Variants in HRH2 observed in about 807,000 individuals in gnomAD.
The protein encoded by HRH2 is histamine receptor H2.
A neutral mutation model predicts 20.1 loss-of-function variants in HRH2; 4 were observed. The observed-to-expected ratio is 0.20, with a 90% CI of 0.10 to 0.45. HRH2 has a LOEUF of 0.45. Ranked by LOEUF, HRH2 falls within the 20% of genes least tolerant of loss-of-function variation. The probability of loss-of-function intolerance (pLI) is 0.99; values close to 1 mark genes in which losing one functional copy is unlikely to be tolerated. For synonymous variants in HRH2, 197 were observed against 200.7 expected (o/e 0.98, Z 0.16); for missense variants, 250 against 461.6 (o/e 0.54, Z 4.20).
rs142451713 is a variant in HRH2, at chr5:175,660,369, C to T, written c.-526+2214C>T. On this transcript the variant is annotated intron_variant, in intron 1 of 2. Coordinates refer to ENST00000636584, the MANE Select transcript of HRH2 (RefSeq NM_001367711.1). ...AGTCAGAAAGTGCCTAAATGTCCAACAGTAGGGAATCAAAATTATGGAACG... is the reference window on the plus strand; with the variant it reads ...AGTCAGAAAGTGCCTAAATGTCCAATAGTAGGGAATCAAAATTATGGAACG... 5.0e-3 allele frequency among the ~76,000 whole-genome samples: 760 copies of T among 152,298 alleles called. 10 individuals are homozygous for T. The highest frequency in any genetic ancestry group is 0.017 in the African/African-American group (722 of 41,550).
intron 1 of HRH2, among the ~76,000 whole-genome samples, chr5:175,672,059 A>T (rs657922): frequency 0.047 from 7,174 of 152,004 alleles, 580 homozygotes; most frequent in African/African-American, 0.16. Flanking sequence ...CCTTCCCTTC[A>T]CCCCTCCACA....
At chr5:175,690,926 C>T (rs573002994) in intron 2 of HRH2, among the ~76,000 whole-genome samples, 131 of 152,298 alleles carry the variant, frequency 8.6e-4, no homozygotes, top group Non-Finnish European at 1.6e-3. Flanking sequence ...GTCTTTTCTT[C>T]CTTCGTCCCT....
At position 175,693,710 on chromosome 5, in the gene HRH2, A is replaced by G. The variant is rs933803348; in HGVS notation, c.1076+9401A>G. Among the ~76,000 whole-genome samples, 1 of 152,220 alleles carries G rather than the reference A, an allele frequency of 6.6e-6. No individual in the cohort carries two copies. The highest frequency in any genetic ancestry group is 2.4e-5 in the African/African-American group (1 of 41,456). On this transcript the variant is annotated intron_variant, in intron 2 of 2. Transcript: ENST00000636584. This position sits in a 1 kb window ranked among gnomAD's most constrained non-coding sequence, Gnocchi z 4.4. ...GCCATCCTTCCTATTCCCTGAAGTC[A>G]CAGCTCTGTGCTCCCTTCCCATCTT...
chr5:175,666,739 C>CT (rs1320544719), intron 1 of HRH2, among the ~76,000 whole-genome samples: 11 of 152,234 alleles, frequency 7.2e-5, no homozygotes, highest in Admixed American at 3.3e-4. Context: ...CTCCAGATTC[C>CT]TTTTTTTGAA....
chr5:175,670,764 T>C (rs1755504650), intron 1 of HRH2, among the ~76,000 whole-genome samples: 2 of 152,216 alleles, frequency 1.3e-5, no homozygotes, highest in Admixed American at 1.3e-4. Flanking sequence ...TCCTAATCCC[T>C]ACCCTCATTG....
In HRH2 at chr5:175,681,607, G is replaced by A. The variant is rs1372675545; in HGVS notation, c.-525-1102G>A. Reference sequence around the variant, plus strand: ...GCCTTGGAGATTACCTAGTGACCAGGGGCTCTTATTTAATCAAGAGGCATT... The same window carrying A: ...GCCTTGGAGATTACCTAGTGACCAGAGGCTCTTATTTAATCAAGAGGCATT... On this transcript the variant is annotated intron_variant, in intron 1 of 2. Transcript: ENST00000636584. This position sits in a 1 kb window ranked among gnomAD's most constrained non-coding sequence, Gnocchi z 4.3. Among the ~76,000 whole-genome samples, 1 of 152,148 alleles carries A rather than the reference G, an allele frequency of 6.6e-6. No homozygotes were observed. Among genetic ancestry groups the A allele is most frequent in the Non-Finnish European group, 1.5e-5 (1 of 68,030 alleles).
At chr5:175,662,073 A>C (rs188588476) in intron 1 of HRH2, among the ~76,000 whole-genome samples, 20 of 152,272 alleles carry the variant, frequency 1.3e-4, no homozygotes, top group African/African-American at 4.3e-4. Context: ...GGGAGCTTAC[A>C]GACAGTGGGG....
chr5:175,688,720 A>G (rs1318958586), intron 2 of HRH2, among the ~76,000 whole-genome samples: 1 of 152,158 alleles, frequency 6.6e-6, no homozygotes, highest in African/African-American at 2.4e-5. Context: ...GTTTTTGACT[A>G]TCACCCCAGT....
chr5:175,670,235 C>T (rs1327825173), intron 1 of HRH2, among the ~76,000 whole-genome samples: 1 of 152,104 alleles, frequency 6.6e-6, no homozygotes, highest in Non-Finnish European at 1.5e-5. Context: ...CAGTCCAAGA[C>T]CAGCCTGGGC....
chr5:175,699,598 G>A (rs1186969283), intron 2 of HRH2, among the ~76,000 whole-genome samples: 3 of 152,090 alleles, frequency 2.0e-5, no homozygotes, highest in African/African-American at 7.3e-5. Context: ...GTTTGAGACA[G>A]AGTCTCACTC....
chr5:175,692,727 C>T (rs1292460523), intron 2 of HRH2, among the ~76,000 whole-genome samples: 3 of 152,172 alleles, frequency 2.0e-5, no homozygotes, highest in African/African-American at 7.2e-5. Context: ...GCCTGGTGCC[C>T]CCCATCTGAA....
intron 1 of HRH2, among the ~76,000 whole-genome samples, chr5:175,664,542 C>T (rs1302079547): frequency 6.6e-6 from 1 of 152,122 alleles, no homozygotes; most frequent in Non-Finnish European, 1.5e-5. Flanking sequence ...TGACCTGAGA[C>T]CCCAGGGCAG....
intron 2 of HRH2, among the ~76,000 whole-genome samples, chr5:175,689,844 C>T (rs1756301961): frequency 6.6e-6 from 1 of 152,368 alleles, no homozygotes; most frequent in South Asian, 2.1e-4. Flanking sequence ...GAGTTCCCAA[C>T]AACCTGGACT....
chr5:175,666,338 C>T (rs975336156), intron 1 of HRH2, among the ~76,000 whole-genome samples: 4 of 152,224 alleles, frequency 2.6e-5, no homozygotes, highest in Middle Eastern at 3.2e-3. Flanking sequence ...ACCCCCAGCC[C>T]CTCTCAGTCA....
At chr5:175,675,945 A>G (rs1755742355) in intron 1 of HRH2, among the ~76,000 whole-genome samples, 1 of 152,084 alleles carries the variant, frequency 6.6e-6, no homozygotes, top group Non-Finnish European at 1.5e-5. Context: ...CTACCCTCTC[A>G]CTGCCGCCCT....
chr5:175,688,645 G>A (rs1054965020), intron 2 of HRH2, among the ~76,000 whole-genome samples: 3 of 152,244 alleles, frequency 2.0e-5, no homozygotes, highest in Non-Finnish European at 2.9e-5. Context: ...ATTTGAGCCC[G>A]AGTCTCTCTG....
intron 1 of HRH2, among the ~76,000 whole-genome samples, chr5:175,664,593 A>C (rs984317947): frequency 2.6e-5 from 4 of 152,112 alleles, no homozygotes; most frequent in Admixed American, 2.6e-4. Context: ...CAGACCTTGA[A>C]AAGTCTTCAG....
intron 2 of HRH2, among the ~76,000 whole-genome samples, chr5:175,702,112 G>C (rs1554112937): frequency 6.6e-6 from 1 of 152,204 alleles, no homozygotes; most frequent in African/African-American, 2.4e-5. Flanking sequence ...GTAAGAGAGA[G>C]AGGGGCTCCT....
chr5:175,702,251 G>T (rs948910281), intron 2 of HRH2, among the ~76,000 whole-genome samples: 1 of 151,768 alleles, frequency 6.6e-6, no homozygotes, highest in Non-Finnish European at 1.5e-5. Flanking sequence ...CTTAAAACAA[G>T]AAAAGAGGAG....
Sources: allele counts gnomAD v4.1 joint callset (sites outside exome capture counted in the v4.1 genomes callset), GRCh38; gene constraint gnomAD v4.1.1; non-coding constraint Gnocchi (gnomAD v3.1); transcripts MANE v1.5; gene names NCBI Gene and HGNC (gene_info 2026-07-23, HGNC 2026-07-21).